Variants in KCNQ2 observed in about 807,000 individuals in gnomAD.
KCNQ2 encodes potassium voltage-gated channel subfamily KQT member 2.
In KCNQ2, 14 loss-of-function variants were observed where a neutral mutation model predicts 84.8. The observed-to-expected ratio is 0.17, with a 90% confidence interval of 0.11 to 0.26. The LOEUF is 0.26. KCNQ2 is among the 10% of genes least tolerant of loss of function. The pLI, the probability that KCNQ2 is intolerant of heterozygous loss-of-function variation, is 1.00. For missense variants in KCNQ2, 788 were observed against 1,254.0 expected (o/e 0.63, Z 5.61); for synonymous variants, 599 against 554.1 (o/e 1.08, Z -1.14).
At chr20:63,432,423 C>T (rs370714535) in intron 8 of KCNQ2, among the ~76,000 whole-genome samples, 216 of 102,234 alleles carry the variant, frequency 2.1e-3, no homozygotes, top group Admixed American at 4.9e-3. Context: ...CAGGGAAGGC[C>T]CCACCCTCAG....
At chr20:63,430,978 G>C (rs1405357911) in intron 9 of KCNQ2, among the ~76,000 whole-genome samples, 1 of 152,232 alleles carries the variant, frequency 6.6e-6, no homozygotes, top group Admixed American at 6.5e-5. Context: ...GGGGCCTGTG[G>C]GGTGGGGATG....
At chr20:63,418,153 C>T (rs373867989) in intron 12 of KCNQ2, among the ~76,000 whole-genome samples, 20 of 152,204 alleles carry the variant, frequency 1.3e-4, no homozygotes, top group Admixed American at 6.5e-4. Flanking sequence ...GCCAGGAGCA[C>T]GCGTGGTCTC....
intron 1 of KCNQ2, among the ~76,000 whole-genome samples, chr20:63,469,359 G>A (rs574722252): frequency 6.6e-6 from 1 of 152,358 alleles, no homozygotes; most frequent in South Asian, 2.1e-4. Context: ...GAGCCTCTGG[G>A]AAAGCACCCA....
intron 1 of KCNQ2, among the ~76,000 whole-genome samples, chr20:63,465,535 T>C (rs1412729864): frequency 6.6e-6 from 1 of 151,998 alleles, no homozygotes; most frequent in Admixed American, 6.5e-5. Flanking sequence ...CAGAACCCAC[T>C]CCGAAATCAA....
intron 1 of KCNQ2, among the ~76,000 whole-genome samples, chr20:63,470,348 C>T (rs959961361): frequency 1.3e-5 from 2 of 152,204 alleles, no homozygotes; most frequent in African/African-American, 2.4e-5. Context: ...CTGAAGCCCC[C>T]GCATGCTGCT....
chr20:63,418,654 G>A (rs919015800), intron 12 of KCNQ2, among the ~76,000 whole-genome samples: 11 of 152,160 alleles, frequency 7.2e-5, no homozygotes, highest in Non-Finnish European at 1.5e-4. Context: ...CTCCGGACAC[G>A]CAGGACAGCT....
At position 63,445,303 on chromosome 20, in the gene KCNQ2, C is replaced by T. The variant is rs758887918; in HGVS notation, c.449G>A (p.Cys150Tyr). The T allele has an allele frequency of 6.2e-7, 1 of 1,613,820 alleles. No homozygotes were observed. Among genetic ancestry groups the T allele is most frequent in the Non-Finnish European group, 8.5e-7 (1 of 1,180,012 alleles). The change falls in exon 3 of 17, where the codon TGC becomes TAC. Residue 150 changes from cysteine (C) to tyrosine (Y), a missense_variant. Around this residue, in one of 8 missense-constraint regions of KCNQ2, gnomAD observed 106 missense variants for 214.8 expected, o/e 0.49. Coordinates refer to ENST00000359125, the MANE Select transcript of KCNQ2 (RefSeq NM_172107.4). ...EYFVRIWAAG[C>Y]CCRYRGWRGR... ...CCTCCAGCCACGGTACCGGCAGCAG[C>T]AGCCTGCGGCCCAGATCCGCACGAA... is the stretch of plus-strand genomic sequence containing the variant.
chr20:63,458,673 G>C (rs2081870019), intron 1 of KCNQ2, among the ~76,000 whole-genome samples: 1 of 152,156 alleles, frequency 6.6e-6, no homozygotes, highest in Admixed American at 6.5e-5. Context: ...CACATCCTCT[G>C]CTCAGACAGT....
intron 10 of KCNQ2, 27 bp downstream of exon 10, chr20:63,428,340 C>T (rs1158677963): frequency 1.9e-6 from 3 of 1,540,478 alleles, no homozygotes; most frequent in African/African-American, 1.4e-5. Flanking sequence ...GACGCCCACC[C>T]GCCCCACCTG....
chr20:63,418,055 T>C (rs1416325324), intron 12 of KCNQ2, among the ~76,000 whole-genome samples: 2 of 152,056 alleles, frequency 1.3e-5, no homozygotes, highest in African/African-American at 4.8e-5. Context: ...CCCCTGGACC[T>C]CCACCATGAC....
At chr20:63,415,267 G>GTGT in intron 12 of KCNQ2, 141 bp from the exon 13 acceptor site, 1 of 783,748 alleles carries the variant, frequency 1.3e-6, no homozygotes, top group Non-Finnish European at 2.1e-6. Flanking sequence ...CCAGCCACAC[G>GTGT]GGTGGCTCAG....
Position 63,431,382 on chromosome 20 carries a change from T to G in KCNQ2, c.1119-13A>C, listed in dbSNP as rs1361036118. 6.2e-7 allele frequency: 1 copy of G among 1,613,586 alleles called. No homozygotes were observed. Among genetic ancestry groups the G allele is most frequent in the Non-Finnish European group, 8.5e-7 (1 of 1,179,818 alleles). On this transcript the variant is annotated splice_polypyrimidine_tract_variant and intron_variant, in intron 8 of 16. Transcript: ENST00000359125. ...TTGAGTTTGCGAACTTTCAAGTGTTTCCACACACACAAAGGGAAAAGAACG... is the reference window on the plus strand; with the variant it reads ...TTGAGTTTGCGAACTTTCAAGTGTTGCCACACACACAAAGGGAAAAGAACG...
At chr20:63,432,242 A>G in intron 8 of KCNQ2, among the ~76,000 whole-genome samples, 1 of 72,888 alleles carries the variant, frequency 1.4e-5, no homozygotes, top group East Asian at 4.1e-4. Context: ...ACAGGGAAGG[A>G]TCCACCCACA....
chr20:63,409,490 C>T (rs924579256), intron 15 of KCNQ2, among the ~76,000 whole-genome samples: 6 of 152,190 alleles, frequency 3.9e-5, no homozygotes, highest in African/African-American at 1.2e-4. Context: ...GGGGCCACCA[C>T]GGTGGGTGTG....
intron 4 of KCNQ2, among the ~76,000 whole-genome samples, chr20:63,442,881 C>T (rs946438725): frequency 2.0e-5 from 1 of 49,714 alleles, no homozygotes; most frequent in Non-Finnish European, 4.4e-5. Context: ...ACCATTATCA[C>T]CACCACCATC....
Position 63,433,829 on chromosome 20 carries a change from C to G in KCNQ2, c.1098G>C (p.Thr366=), listed in dbSNP as rs758961686. 2 of 1,613,946 alleles carry G rather than the reference C, an allele frequency of 1.2e-6. No homozygotes were observed. The highest frequency in any genetic ancestry group is 2.2e-5 in the East Asian group (1 of 44,882). Residue 366 remains threonine, a synonymous_variant, in exon 8 of 17, where the codon ACG becomes ACC. Coordinates refer to ENST00000359125, the MANE Select transcript of KCNQ2 (RefSeq NM_172107.4). ...LHSTWQYYER[T]VTVPMYSSQT... ...GGTACCTGTACATGGGCACGGTGAC[C>G]GTTCGCTCGTAGTACTGCCACGTGG...
rs1161430913 is a variant in KCNQ2 at position 63,414,245 on chromosome 20, T to C, written c.1526-52A>G. On this transcript the variant is annotated intron_variant, in intron 13 of 16. Coordinates refer to ENST00000359125, the MANE Select transcript of KCNQ2 (RefSeq NM_172107.4). This position sits in a 1 kb window ranked among gnomAD's most constrained non-coding sequence, Gnocchi z 6.6. The stretch of plus-strand genomic sequence containing the variant: ...GGGCCGAGGGGGCCGGGAGACCTAT[T>C]CCCGGGGTCCTGCAGGGCACACCGG... 3 of 1,339,678 alleles carry C rather than the reference T, an allele frequency of 2.2e-6. No individual in the cohort carries two copies. The highest frequency in any genetic ancestry group is 3.2e-6 in the Non-Finnish European group (3 of 933,644). 83.0% of individuals were successfully genotyped at this position (1,339,678 alleles called of 1,614,324 possible). A position where few individuals can be genotyped will look rare whatever the true frequency, so the allele number is the denominator to read the frequency against.
At chr20:63,471,869 C>T (rs553514689) in intron 1 of KCNQ2, 13 of 367,360 alleles carry the variant, frequency 3.5e-5, no homozygotes, top group African/African-American at 2.3e-4. Flanking sequence ...GCGCAGAGGC[C>T]GCGGGGAGGG....
chr20:63,419,709 G>T (rs556601138), intron 11 of KCNQ2, 37 bp from the exon 12 acceptor site: 2 of 1,578,306 alleles, frequency 1.3e-6, no homozygotes, highest in Non-Finnish European at 1.7e-6. Context: ...CCTGGGCGCC[G>T]GCAACAGCAC....
Sources: allele counts gnomAD v4.1 joint callset (sites outside exome capture counted in the v4.1 genomes callset), GRCh38; gene constraint gnomAD v4.1.1; regional missense constraint gnomAD v4.1.1; non-coding constraint Gnocchi (gnomAD v3.1); transcripts MANE v1.5; gene names NCBI Gene and HGNC (gene_info 2026-07-23, HGNC 2026-07-21).